COL24A1: variants seen among roughly 807,000 people sequenced by gnomAD.
COL24A1 encodes the protein collagen type XXIV alpha 1 chain, also known as collagen alpha-1(XXIV) chain.
A neutral mutation model predicts 253.9 loss-of-function variants in COL24A1; 224 were observed. The observed-to-expected ratio is 0.88, with a 90% confidence interval of 0.79 to 0.99. The LOEUF is 0.99. Among genes scored for constraint, COL24A1 ranks in the 50% least tolerant of loss-of-function variants. COL24A1 has a pLI of 0.00. For missense variants in COL24A1, 2,131 were observed against 2,068.5 expected (o/e 1.03, Z -0.59); for synonymous variants, 685 against 673.7 (o/e 1.02, Z -0.26).
At chr1:85,819,312 A>G (rs1169066502) in intron 45 of COL24A1, among the ~76,000 whole-genome samples, 1 of 152,228 alleles carries the variant, frequency 6.6e-6, no homozygotes, top group Non-Finnish European at 1.5e-5. Flanking sequence ...AAATAGTGGA[A>G]AAAAGTTGTG....
In COL24A1 at chr1:86,023,022, G is replaced by C; in HGVS notation, c.2050-15C>G. 1.2e-6 allele frequency: 2 copies of C among 1,609,658 alleles called. No homozygotes were observed. The highest frequency in any genetic ancestry group is 1.7e-6 in the Non-Finnish European group (2 of 1,177,250). On this transcript the variant is annotated splice_polypyrimidine_tract_variant and intron_variant, in intron 14 of 59. Transcript: ENST00000370571. The stretch of plus-strand genomic sequence containing the variant: ...CCAACACTGCCCTGGAAAACAGTAA[G>C]AAAGAAATGCATCATTAAGCATTCA...
At chr1:86,001,035 C>T (rs1695345328) in intron 19 of COL24A1, among the ~76,000 whole-genome samples, 1 of 152,206 alleles carries the variant, frequency 6.6e-6, no homozygotes, top group African/African-American at 2.4e-5. Context: ...CAGACAAAAA[C>T]CAGTATGGAA....
rs1680563579 is a variant in COL24A1 at position 85,872,005 on chromosome 1, G to A, written c.3138+2644C>T. 2.6e-5 allele frequency among the ~76,000 whole-genome samples: 4 copies of A among 152,244 alleles called. No homozygotes were observed. In the South Asian group the frequency reaches 8.3e-4, roughly 32 times the overall value. On this transcript the variant is annotated intron_variant, in intron 35 of 59. Transcript: ENST00000370571. The stretch of plus-strand genomic sequence containing the variant: ...GATAAGCAACTTCAGCAAAGTATCA[G>A]GATACAAAATCAATGTGCAAAAATC...
intron 24 of COL24A1, among the ~76,000 whole-genome samples, chr1:85,950,646 C>A (rs1689800834): frequency 1.3e-5 from 2 of 152,168 alleles, no homozygotes; most frequent in Non-Finnish European, 2.9e-5. Context: ...TCATTGATTT[C>A]ACAAACAGAA....
chr1:85,783,190 C>T (rs528869770), intron 51 of COL24A1, among the ~76,000 whole-genome samples: 4 of 151,972 alleles, frequency 2.6e-5, no homozygotes, highest in South Asian at 2.1e-4. Context: ...ATGCTTATAA[C>T]GTGAAATTGC....
intron 47 of COL24A1, among the ~76,000 whole-genome samples, chr1:85,805,905 C>T (rs1270621474): frequency 2.0e-5 from 3 of 151,952 alleles, no homozygotes; most frequent in Non-Finnish European, 4.4e-5. Flanking sequence ...GAAACCCCGT[C>T]TCTATTAAAA....
intron 43 of COL24A1, among the ~76,000 whole-genome samples, chr1:85,834,409 T>C (rs1190811453): frequency 6.6e-6 from 1 of 152,132 alleles, no homozygotes; most frequent in Non-Finnish European, 1.5e-5. Flanking sequence ...ATTCACTGAA[T>C]TGAGGACATA....
chr1:85,939,058 T>C (rs1688493559), intron 24 of COL24A1, among the ~76,000 whole-genome samples: 1 of 152,110 alleles, frequency 6.6e-6, no homozygotes, highest in African/African-American at 2.4e-5. Context: ...CAATGTGTGC[T>C]CACAGTTTTT....
At chr1:86,109,853 TG>T (rs1427367713) in intron 5 of COL24A1, among the ~76,000 whole-genome samples, 1 of 152,196 alleles carries the variant, frequency 6.6e-6, no homozygotes, top group African/African-American at 2.4e-5. Context: ...TAATGATAAG[TG>T]GGGCTCGTAT....
At chr1:86,112,658 A>G (rs1705728757) in intron 4 of COL24A1, 38 bp from the exon 5 acceptor site, 1 of 1,580,496 alleles carries the variant, frequency 6.3e-7, no homozygotes. Flanking sequence ...CTTGGAACAT[A>G]CTGGAATGGA....
intron 1 of COL24A1, among the ~76,000 whole-genome samples, chr1:86,149,311 G>A (rs1572085840): frequency 6.6e-6 from 1 of 152,198 alleles, no homozygotes; most frequent in African/African-American, 2.4e-5. Flanking sequence ...TGATTCTAAT[G>A]TGCAAACAAG....
Position 85,878,622 on chromosome 1 carries a change from T to C in COL24A1, c.2977-1447A>G, listed in dbSNP as rs557960271. ...TAAGGATTGTGATCACTGGATCATA[T>C]GTTAAGAGTATGCCTAGCTTCTTAA... On this transcript the variant is annotated intron_variant, in intron 32 of 59. Transcript: ENST00000370571. Among the ~76,000 whole-genome samples the C allele has an allele frequency of 4.6e-5, 7 of 152,350 alleles. No individual in the cohort carries two copies. In the South Asian group the frequency reaches 1.4e-3, roughly 32 times the overall value.
At chr1:86,121,881 A>C (rs1647409627) in intron 3 of COL24A1, among the ~76,000 whole-genome samples, 1 of 152,098 alleles carries the variant, frequency 6.6e-6, no homozygotes, top group African/African-American at 2.4e-5. Context: ...TTCCCCCAAA[A>C]ACCTGATTCA....
chr1:85,919,780 A>G (rs1686264875), intron 24 of COL24A1, among the ~76,000 whole-genome samples: 1 of 152,220 alleles, frequency 6.6e-6, no homozygotes, highest in Non-Finnish European at 1.5e-5. Flanking sequence ...TTCACCAGAC[A>G]ATTAACATGG....
In COL24A1 at chr1:85,938,120, T is replaced by C. The variant is rs1688392983; in HGVS notation, c.2562+23129A>G. Among the ~76,000 whole-genome samples the C allele has an allele frequency of 1.4e-5, 2 of 147,498 alleles. 1 individual carries two copies. Among genetic ancestry groups the C allele is most frequent in the African/African-American group, 5.0e-5 (2 of 40,240 alleles). ...GATGCTTTATGAGGATGAGGCACTA[T>C]CCTATAGGATGAAGTATATACACTG... On this transcript the variant is annotated intron_variant, in intron 24 of 59. Transcript: ENST00000370571.
chr1:85,823,621 T>C (rs754306663), intron 44 of COL24A1, 32 bp from the exon 45 acceptor site: 4 of 1,613,456 alleles, frequency 2.5e-6, no homozygotes, highest in South Asian at 2.2e-5. Context: ...AAATCACATA[T>C]GAAGCAGAGA....
intron 24 of COL24A1, among the ~76,000 whole-genome samples, chr1:85,946,715 C>T (rs1031777694): frequency 6.6e-6 from 1 of 152,206 alleles, no homozygotes; most frequent in Non-Finnish European, 1.5e-5. Context: ...TCAAATATAT[C>T]TTACCTCAAA....
At position 85,987,554 on chromosome 1, in the gene COL24A1, T is replaced by A. The variant is rs11799965; in HGVS notation, c.2364+47A>T. 6 of 1,480,864 alleles carry A rather than the reference T, an allele frequency of 4.1e-6. No homozygotes were observed. In the African/African-American group the frequency reaches 7.0e-5, roughly 17 times the overall value. 91.7% of individuals were successfully genotyped at this position (1,480,864 alleles called of 1,614,324 possible). A position where few individuals can be genotyped will look rare whatever the true frequency, so the allele number is the denominator to read the frequency against. On this transcript the variant is annotated intron_variant, in intron 20 of 59. Coordinates refer to ENST00000370571, the MANE Select transcript of COL24A1 (RefSeq NM_152890.7). ...TTCCCATTTATTGAGAATCAGGAGC[T>A]CTAGATAACCATAATTGTTTAGTCT...
At chr1:85,850,302 G>A (rs1004994388) in intron 37 of COL24A1, among the ~76,000 whole-genome samples, 4 of 152,126 alleles carry the variant, frequency 2.6e-5, no homozygotes, top group Non-Finnish European at 2.9e-5. Flanking sequence ...TCAAATTTGT[G>A]TCCCAAAAGC....
Sources: allele counts gnomAD v4.1 joint callset (sites outside exome capture counted in the v4.1 genomes callset), GRCh38; gene constraint gnomAD v4.1.1; transcripts MANE v1.5; gene names NCBI Gene and HGNC (gene_info 2026-07-23, HGNC 2026-07-21).